Variants in PTPN9 observed in about 807,000 individuals in gnomAD.
PTPN9 encodes the protein tyrosine-protein phosphatase non-receptor type 9.
PTPN9 carries 26 observed loss-of-function variants against 69.8 expected under a neutral mutation model. That is an observed-to-expected ratio of 0.37 (90% confidence interval 0.27 to 0.52). PTPN9 has a LOEUF of 0.52. Ranked by LOEUF, PTPN9 falls within the 20% of genes least tolerant of loss-of-function variation. The pLI is 0.91. For synonymous variants in PTPN9, 274 were observed against 272.5 expected (o/e 1.01, Z -0.05); for missense variants, 549 against 740.3 (o/e 0.74, Z 3.00).
chr15:75,469,475 G>C (rs899732511), intron 12 of PTPN9, among the ~76,000 whole-genome samples: 8 of 152,242 alleles, frequency 5.3e-5, no homozygotes, highest in Non-Finnish European at 1.0e-4. Context: ...TCCAGGGAGG[G>C]CTGGATGGGA....
Position 75,465,961 on chromosome 15 carries a change from A to C in PTPN9, c.*2808T>G, listed in dbSNP as rs2074534986. ...CTCTGTTCACTTCTTATGTTTGTGC[A>C]CTCCCAAGAGAATGGAGGCTCATCT... On this transcript the variant is annotated 3_prime_UTR_variant, in exon 13 of 13. Coordinates refer to ENST00000618819, the MANE Select transcript of PTPN9 (RefSeq NM_002833.4). 6.6e-6 allele frequency: 1 copy of C among 152,086 alleles called. No homozygotes were observed. The highest frequency in any genetic ancestry group is 1.5e-5 in the Non-Finnish European group (1 of 68,012). 9.4% of individuals were successfully genotyped at this position (152,086 alleles called of 1,614,324 possible). A position where few individuals can be genotyped will look rare whatever the true frequency, so the allele number is the denominator to read the frequency against.
At position 75,505,920 on chromosome 15, in the gene PTPN9, A is replaced by T. The variant is rs768644452; in HGVS notation, c.723T>A (p.Ile241=). The T allele has an allele frequency of 6.2e-7, 1 of 1,614,038 alleles. No individual in the cohort carries two copies. Among genetic ancestry groups the T allele is most frequent in the Non-Finnish European group, 8.5e-7 (1 of 1,179,992 alleles). ...LPENLGGYVK[I]DLATWNFQFL... The stretch of plus-strand genomic sequence containing the variant: ...ACTGGAAATTCCAAGTGGCGAGATC[A>T]ATTTTGACGTACCCACCCAGGTTTT... The change falls in exon 7 of 13, where the codon ATT becomes ATA. Residue 241 remains isoleucine, a synonymous_variant. Transcript: ENST00000618819.
chr15:75,539,108 C>T (rs4886715), intron 1 of PTPN9, among the ~76,000 whole-genome samples: 52,038 of 151,826 alleles, frequency 0.34, 10,201 homozygotes, highest in African/African-American at 0.53. Flanking sequence ...TTTTTTTGGC[C>T]GGGCGTGGTG....
At chr15:75,479,161 G>C (rs2074613645) in intron 9 of PTPN9, among the ~76,000 whole-genome samples, 1 of 152,178 alleles carries the variant, frequency 6.6e-6, no homozygotes. Flanking sequence ...ACAAAAATTA[G>C]CCGGGCGTGG....
chr15:75,523,087 T>G (rs369409784), intron 4 of PTPN9, 34 bp downstream of exon 4: 1 of 1,603,822 alleles, frequency 6.2e-7, no homozygotes, highest in Admixed American at 1.7e-5. Context: ...CCTACCTGCA[T>G]GTAGAATACC....
chr15:75,518,292 C>T (rs1323137423), intron 4 of PTPN9, among the ~76,000 whole-genome samples: 2 of 151,750 alleles, frequency 1.3e-5, no homozygotes, highest in African/African-American at 4.8e-5. Flanking sequence ...GGAGGTCATG[C>T]CACTGCACTC....
intron 7 of PTPN9, among the ~76,000 whole-genome samples, chr15:75,505,471 T>C (rs568375481): frequency 7.3e-6 from 1 of 137,744 alleles, no homozygotes; most frequent in Admixed American, 7.3e-5. Context: ...AATAAAAATT[T>C]AAAAAAAAAA....
At chr15:75,524,131 A>AC (rs1386932888) in intron 3 of PTPN9, 78 bp downstream of exon 3, 16 of 698,458 alleles carry the variant, frequency 2.3e-5, no homozygotes, top group Non-Finnish European at 2.6e-5. Context: ...AAAAAAAAAA[A>AC]AAAAACAAAG....
At chr15:75,552,801 C>T in intron 1 of PTPN9, among the ~76,000 whole-genome samples, 1 of 147,868 alleles carries the variant, frequency 6.8e-6, no homozygotes, top group African/African-American at 2.5e-5. Flanking sequence ...CACCGGCAAA[C>T]TAGATATGGT....
intron 1 of PTPN9, among the ~76,000 whole-genome samples, chr15:75,537,776 A>AAAAAAAAT (rs1223040212): frequency 7.0e-6 from 1 of 142,192 alleles, no homozygotes; most frequent in East Asian, 2.0e-4. Flanking sequence ...AAAAAAAAAA[A>AAAAAAAAT]GGCCAGGCGT....
At chr15:75,502,745 G>C (rs1044662796) in intron 7 of PTPN9, among the ~76,000 whole-genome samples, 2 of 152,058 alleles carry the variant, frequency 1.3e-5, no homozygotes, top group African/African-American at 4.8e-5. Context: ...AAATGTTATG[G>C]GGAGAAACTG....
chr15:75,559,127 G>A (rs959037140), intron 1 of PTPN9, among the ~76,000 whole-genome samples: 10 of 150,980 alleles, frequency 6.6e-5, no homozygotes, highest in South Asian at 2.1e-4. Flanking sequence ...TGTGGGGAGC[G>A]CCTCTGCCCC....
chr15:75,503,831 G>A (rs1224755508), intron 7 of PTPN9, among the ~76,000 whole-genome samples: 1 of 123,834 alleles, frequency 8.1e-6, no homozygotes, highest in Admixed American at 7.9e-5. Flanking sequence ...CGCCCGGCCA[G>A]CCGCCCCGTC....
At chr15:75,559,625 C>A (rs1055439739) in intron 1 of PTPN9, among the ~76,000 whole-genome samples, 3 of 152,116 alleles carry the variant, frequency 2.0e-5, no homozygotes. Context: ...CCCAGGGACA[C>A]AAACACTGCG....
intron 1 of PTPN9, among the ~76,000 whole-genome samples, chr15:75,540,597 A>G (rs997799978): frequency 8.6e-5 from 13 of 150,988 alleles, no homozygotes; most frequent in Admixed American, 4.6e-4. Flanking sequence ...AATGTGAATC[A>G]GGTCTGATTG....
chr15:75,538,268 C>A (rs1595964669), intron 1 of PTPN9, among the ~76,000 whole-genome samples: 1 of 152,166 alleles, frequency 6.6e-6, no homozygotes, highest in Admixed American at 6.5e-5. Flanking sequence ...ATCCATCACA[C>A]ATAGGCCCCG....
intron 1 of PTPN9, among the ~76,000 whole-genome samples, chr15:75,565,251 T>C (rs952160914): frequency 3.3e-5 from 5 of 152,072 alleles, no homozygotes; most frequent in Admixed American, 3.3e-4. Flanking sequence ...ATAAAACAAT[T>C]GGTTTTAGAC....
At position 75,576,567 on chromosome 15, in the gene PTPN9, T is replaced by C. The variant is rs1337118096; in HGVS notation, c.63+2147A>G. Reference sequence around the variant, plus strand: ...ACTCACGACTGTAATCCCAGCACTTTTGGAGGACGAGGCGGGCAGATCATG... The same window carrying C: ...ACTCACGACTGTAATCCCAGCACTTCTGGAGGACGAGGCGGGCAGATCATG... On this transcript the variant is annotated intron_variant, in intron 1 of 12. Transcript: ENST00000618819. Among the ~76,000 whole-genome samples, 9 of 150,294 alleles carry C rather than the reference T, an allele frequency of 6.0e-5. No homozygotes were observed. The East Asian group carries it at 9.8e-4, about 16-fold the overall frequency.
At position 75,523,190 on chromosome 15, in the gene PTPN9, T is replaced by C; in HGVS notation, c.353A>G (p.His118Arg). 1 of 1,614,164 alleles carries C rather than the reference T, an allele frequency of 6.2e-7. No individual in the cohort carries two copies. Among genetic ancestry groups the C allele is most frequent in the Non-Finnish European group, 8.5e-7 (1 of 1,180,022 alleles). The change falls in exon 4 of 13, where the codon CAT becomes CGT. Residue 118 changes from histidine to arginine, a missense_variant. Coordinates refer to ENST00000618819, the MANE Select transcript of PTPN9 (RefSeq NM_002833.4). ...SIALFTARLH[H>R]PHKSVQHVVL... ...CACATGTTGGACTGACTTGTGGGGA[T>C]GATGCAACCTGGCAGTAAAGAGGGC...
Sources: allele counts gnomAD v4.1 joint callset (sites outside exome capture counted in the v4.1 genomes callset), GRCh38; gene constraint gnomAD v4.1.1; transcripts MANE v1.5; gene names NCBI Gene and HGNC (gene_info 2026-07-23, HGNC 2026-07-21).